The following ARSH variants were observed in gnomAD, a reference collection of about 807,000 sequenced individuals.
ARSH encodes the protein arylsulfatase H.
Under a neutral mutation model 28.7 loss-of-function variants are expected in ARSH, and 32 were observed. The ratio of observed to expected loss-of-function variants is 1.11; its 90% CI spans 0.84 to 1.50. The LOEUF (loss-of-function observed/expected upper bound fraction) is 1.50. ARSH is among the 40% of genes most tolerant of loss of function. ARSH has a pLI of 0.00. For synonymous variants in ARSH, 176 were observed against 177.3 expected (o/e 0.99, Z 0.06); for missense variants, 440 against 452.4 (o/e 0.97, Z 0.25).
chrX:3,019,789 C>A (rs1320632821), intron 5 of ARSH, among the ~76,000 whole-genome samples: 1 of 111,166 alleles, frequency 9.0e-6, no homozygotes, highest in Non-Finnish European at 1.9e-5. Context: ...AAATAACTTT[C>A]TTTTCTCTGA....
rs767617857 is a variant in ARSH at position 3,022,879 on chromosome X, T to C, written c.902-1142T>C. 2.7e-5 allele frequency among the ~76,000 whole-genome samples: 3 copies of C among 111,081 alleles called. No individual in the cohort carries two copies. In the Admixed American group the frequency reaches 2.9e-4, roughly 11 times the overall value. ...GGGGATGGCTTTGCTCATATGTTCCTGGAGGTGTCATTTTGCAAACTGTAT... is the reference window on the plus strand; with the variant it reads ...GGGGATGGCTTTGCTCATATGTTCCCGGAGGTGTCATTTTGCAAACTGTAT... On this transcript the variant is annotated intron_variant, in intron 5 of 8. Transcript: ENST00000381130.
intron 7 of ARSH, among the ~76,000 whole-genome samples, chrX:3,027,876 C>T (rs1042784630): frequency 3.6e-5 from 4 of 111,219 alleles, no homozygotes; most frequent in Non-Finnish European, 7.6e-5. Context: ...TCAAGGCTGG[C>T]GGATCACTTG....
chrX:3,019,929 AC>A (rs2089876977), intron 5 of ARSH, among the ~76,000 whole-genome samples: 1 of 110,142 alleles, frequency 9.1e-6, no homozygotes, highest in Non-Finnish European at 1.9e-5. Flanking sequence ...ATGTGTGTTT[AC>A]CTCTAATTAT....
In ARSH at chrX:3,018,611, T is replaced by C. The variant is rs369222479; in HGVS notation, c.842T>C (p.Val281Ala). ...HTPLISKKKF[V>A]GRSKYGRYGD... ...CCACTCATCTCCAAAAAGAAGTTTGTTGGGCGCAGTAAATATGGCAGGTAT... is the reference window on the plus strand; with the variant it reads ...CCACTCATCTCCAAAAAGAAGTTTGCTGGGCGCAGTAAATATGGCAGGTAT... The change falls in exon 5 of 9, where the codon GTT (valine) becomes GCT (alanine). Residue 281 changes from valine (V) to alanine (A), a missense_variant. Physicochemically the swap from Val to Ala is moderately conservative, Grantham distance 64. Coordinates refer to ENST00000381130, the MANE Select transcript of ARSH (RefSeq NM_001011719.2). 5.8e-6 allele frequency: 7 copies of C among 1,209,173 alleles called. No individual in the cohort carries two copies. The highest frequency in any genetic ancestry group is 5.3e-5 in the African/African-American group (3 of 57,057).
chrX:3,012,608 ATGT>A (rs2089853692), intron 2 of ARSH, among the ~76,000 whole-genome samples: 1 of 20,136 alleles, frequency 5.0e-5, no homozygotes, highest in African/African-American at 2.3e-4. Context: ...TAATATATAT[ATGT>A]ATGTGTATAT....
Position 3,024,528 on chromosome X carries a change from C to T in ARSH, c.1036+373C>T, listed in dbSNP as rs958207859. ...ACCCACACATGCCAGTAGCACCCAC[C>T]GCAGAGCAGCAACAACCAGAAATGT... On this transcript the variant is annotated intron_variant, in intron 6 of 8. Coordinates refer to ENST00000381130, the MANE Select transcript of ARSH (RefSeq NM_001011719.2). 3.6e-5 allele frequency among the ~76,000 whole-genome samples: 4 copies of T among 110,625 alleles called. No homozygotes were observed. In the East Asian group the frequency reaches 1.1e-3, roughly 32 times the overall value.
At chrX:3,007,773 G>T (rs1434711942) in intron 1 of ARSH, among the ~76,000 whole-genome samples, 12 of 109,652 alleles carry the variant, frequency 1.1e-4, no homozygotes, top group African/African-American at 4.0e-4. Flanking sequence ...CCACAGTCCT[G>T]GAGGCTGGAA....
In ARSH at chrX:3,023,872, C is replaced by G. The variant is rs1358505119; in HGVS notation, c.902-149C>G. On this transcript the variant is annotated intron_variant, in intron 5 of 8. Coordinates refer to ENST00000381130, the MANE Select transcript of ARSH (RefSeq NM_001011719.2). Reference sequence around the variant, plus strand: ...GTACAGTTTAAAATAGTATGTATTACAATATTATATGATTAATTATACAAT... The same window carrying G: ...GTACAGTTTAAAATAGTATGTATTAGAATATTATATGATTAATTATACAAT... The G allele has an allele frequency of 2.1e-5, 11 of 512,341 alleles. No individual in the cohort carries two copies. The African/African-American group carries it at 2.7e-4, about 13-fold the overall frequency. 42.2% of individuals were successfully genotyped at this position (512,341 alleles called of 1,213,427 possible). A position where few individuals can be genotyped will look rare whatever the true frequency, so the allele number is the denominator to read the frequency against.
intron 3 of ARSH, among the ~76,000 whole-genome samples, chrX:3,013,736 C>T (rs1180157887): frequency 9.1e-6 from 1 of 110,338 alleles, no homozygotes; most frequent in Non-Finnish European, 1.9e-5. Context: ...AAGCATTGTA[C>T]GGTCCACTAT....
chrX:3,010,759 G>T (rs749390290), intron 2 of ARSH, among the ~76,000 whole-genome samples: 10 of 111,845 alleles, frequency 8.9e-5, no homozygotes, highest in Non-Finnish European at 1.3e-4. Context: ...ATATAGTGGT[G>T]CCCTTAGACA....
Position 3,006,669 on chromosome X carries a change from G to C in ARSH, c.57G>C (p.Val19=). 5 of 1,211,090 alleles carry C rather than the reference G, an allele frequency of 4.1e-6. No homozygotes were observed. Among genetic ancestry groups the C allele is most frequent in the Non-Finnish European group, 5.6e-6 (5 of 895,140 alleles). The change falls in exon 1 of 9, where the codon GTG becomes GTC. Residue 19 remains valine (V), a synonymous_variant. Transcript: ENST00000381130. ...TGCTGATGGCAGATGACCTTGGAGT[G>C]GGGGATTTGTGCTGCTACGGTAATA... ...IVLLMADDLG[V]GDLCCYGNNS... is the part of the protein sequence containing the mutation.
intron 5 of ARSH, among the ~76,000 whole-genome samples, chrX:3,019,286 A>G (rs1198697713): frequency 9.8e-6 from 1 of 102,521 alleles, no homozygotes; most frequent in African/African-American, 3.5e-5. Flanking sequence ...AAAAAAAAAG[A>G]ATATTGTAAT....
At position 3,016,405 on chromosome X, in the gene ARSH, T is replaced by A. The variant is rs2089866544; in HGVS notation, c.764+1012T>A. On this transcript the variant is annotated intron_variant, in intron 4 of 8. Coordinates refer to ENST00000381130, the MANE Select transcript of ARSH (RefSeq NM_001011719.2). ...TGATTAAACCTGGGGGGTAAAATTT[T>A]TTTTCTCTGTCTCAGACACAGCCGG... Among the ~76,000 whole-genome samples the A allele has an allele frequency of 5.4e-5, 6 of 111,225 alleles. No individual in the cohort carries two copies. In the Admixed American group the frequency reaches 5.8e-4, roughly 11 times the overall value.
Position 3,015,312 on chromosome X carries a change from A to G in ARSH, c.683A>G (p.Asn228Ser). Residue 228 changes from asparagine to serine, a missense_variant, in exon 4 of 9, where the codon AAC becomes AGC. By Grantham distance (46) the Asn-to-Ser change is conservative. Coordinates refer to ENST00000381130, the MANE Select transcript of ARSH (RefSeq NM_001011719.2). ...CGTTGGAATTGCATCCTTATGAGGA[A>G]CCATGAAATTATCCAGCAGCCAATG... ...TRRWNCILMR[N>S]HEIIQQPMKE... The G allele has an allele frequency of 8.3e-7, 1 of 1,211,915 alleles. No individual in the cohort carries two copies. The highest frequency in any genetic ancestry group is 1.1e-6 in the Non-Finnish European group (1 of 895,503).
At chrX:3,009,439 C>T (rs1371118515) in intron 1 of ARSH, among the ~76,000 whole-genome samples, 1 of 110,410 alleles carries the variant, frequency 9.1e-6, no homozygotes, top group Non-Finnish European at 1.9e-5. Flanking sequence ...CCACTGTACT[C>T]CAGCCTGGGT....
Position 3,017,081 on chromosome X carries a change from A to G in ARSH, c.765-1453A>G, listed in dbSNP as rs780297897. Among the ~76,000 whole-genome samples, 382 of 110,663 alleles carry G rather than the reference A, an allele frequency of 3.5e-3. 1 individual carries two copies. Among genetic ancestry groups the G allele is most frequent in the African/African-American group, 0.011 (344 of 30,475 alleles). ...TCAGATTCATTATTTATTCCAACACAACCATGAGAACAGTGATCAGCCACC... is the reference window on the plus strand; with the variant it reads ...TCAGATTCATTATTTATTCCAACACGACCATGAGAACAGTGATCAGCCACC... On this transcript the variant is annotated intron_variant, in intron 4 of 8. Transcript: ENST00000381130.
chrX:3,014,899 C>A, intron 3 of ARSH, 71 bp from the exon 4 acceptor site: 3 of 1,030,293 alleles, frequency 2.9e-6, no homozygotes, highest in Non-Finnish European at 3.9e-6. Context: ...CAAAGGGAAG[C>A]CCACATTCTA....
At chrX:3,014,180 T>C (rs1255127460) in intron 3 of ARSH, among the ~76,000 whole-genome samples, 3 of 111,447 alleles carry the variant, frequency 2.7e-5, no homozygotes, top group East Asian at 2.8e-4. Context: ...GGCAGGAGAA[T>C]TGCTTGAGCC....
At position 3,030,923 on chromosome X, in the gene ARSH, G is replaced by T. The variant is rs770874409; in HGVS notation, c.1321+1555G>T. 2.7e-5 allele frequency among the ~76,000 whole-genome samples: 3 copies of T among 110,303 alleles called. No homozygotes were observed. The East Asian group carries it at 8.6e-4, about 32-fold the overall frequency. On this transcript the variant is annotated intron_variant, in intron 8 of 8. Coordinates refer to ENST00000381130, the MANE Select transcript of ARSH (RefSeq NM_001011719.2). ...TCAGCACTTCAGGAGGCCAAGGTAG[G>T]AGGATTATTTGAGCCCAGGAGTTTG...
Sources: allele counts gnomAD v4.1 joint callset (sites outside exome capture counted in the v4.1 genomes callset), GRCh38; gene constraint gnomAD v4.1.1; transcripts MANE v1.5; gene names NCBI Gene and HGNC (gene_info 2026-07-23, HGNC 2026-07-21).